KCTD9: variants seen among roughly 807,000 people sequenced by gnomAD.
KCTD9 encodes the protein BTB/POZ domain-containing protein KCTD9.
A neutral mutation model predicts 53.3 loss-of-function variants in KCTD9; 17 were observed. The ratio of observed to expected loss-of-function variants is 0.32; its 90% CI spans 0.22 to 0.48. KCTD9 has a LOEUF of 0.48. Ranked by LOEUF, KCTD9 falls within the 20% of genes least tolerant of loss-of-function variation. The pLI is 0.99. For synonymous variants in KCTD9, 128 were observed against 162.7 expected (o/e 0.79, Z 1.62); for missense variants, 179 against 465.5 (o/e 0.38, Z 5.66).
At chr8:25,454,840 C>G (rs1322902320) in intron 1 of KCTD9, among the ~76,000 whole-genome samples, 1 of 152,242 alleles carries the variant, frequency 6.6e-6, no homozygotes, top group Non-Finnish European at 1.5e-5. Flanking sequence ...TGAGGACTTT[C>G]AGTGACTCAG....
At position 25,429,732 on chromosome 8, in the gene KCTD9, CTA is replaced by C. The variant is rs1365406333; in HGVS notation, c.*123_*124del. On this transcript the variant is annotated 3_prime_UTR_variant, in exon 12 of 12. Transcript: ENST00000221200. The stretch of plus-strand genomic sequence containing the variant: ...CACCACTCAAAACAAGCATAATCCT[CTA>C]AATGTTTTTTTTTTAAATTTCCTTA... 3 of 669,402 alleles carry C rather than the reference CTA, an allele frequency of 4.5e-6. No individual in the cohort carries two copies. Among genetic ancestry groups the C allele is most frequent in the Non-Finnish European group, 8.1e-6 (3 of 368,448 alleles). 41.5% of individuals were successfully genotyped at this position (669,402 alleles called of 1,614,324 possible). A position where few individuals can be genotyped will look rare whatever the true frequency, so the allele number is the denominator to read the frequency against.
chr8:25,439,240 G>A, intron 6 of KCTD9, 39 bp downstream of exon 6: 1 of 1,483,004 alleles, frequency 6.7e-7, no homozygotes, highest in African/African-American at 1.4e-5. Context: ...AAAAATGTGA[G>A]TAGTTACATA....
intron 1 of KCTD9, among the ~76,000 whole-genome samples, chr8:25,452,039 G>A (rs146399536): frequency 3.2e-3 from 484 of 152,190 alleles, no homozygotes; most frequent in African/African-American, 0.011. Flanking sequence ...TATTTATTGT[G>A]CATTATGTAA....
rs752303524 is a variant in KCTD9, at chr8:25,436,334, A to C, written c.568-4T>G. On this transcript the variant is annotated splice_region_variant and splice_polypyrimidine_tract_variant and intron_variant, in intron 7 of 11. Transcript: ENST00000221200. Reference sequence around the variant, plus strand: ...GATCCTCCGGTGGTTGAGAATTCTTAAAAAAGACATTAAGAAATTAGTGGA... The same window carrying C: ...GATCCTCCGGTGGTTGAGAATTCTTCAAAAAGACATTAAGAAATTAGTGGA... 1 of 1,609,274 alleles carries C rather than the reference A, an allele frequency of 6.2e-7. No homozygotes were observed. Among genetic ancestry groups the C allele is most frequent in the Non-Finnish European group, 8.5e-7 (1 of 1,176,052 alleles).
At chr8:25,430,808 T>TACACACACACACACACAC (rs139075991) in intron 11 of KCTD9, among the ~76,000 whole-genome samples, 6 of 145,580 alleles carry the variant, frequency 4.1e-5, no homozygotes, top group African/African-American at 7.7e-5. Flanking sequence ...ACATAATAAA[T>TACACACACACACACACAC]ACACACACAC....
chr8:25,446,358 G>C, intron 1 of KCTD9, 108 bp from the exon 2 acceptor site: 1 of 1,313,522 alleles, frequency 7.6e-7, no homozygotes. Context: ...CATATAAAAG[G>C]AGACTTCAAA....
At chr8:25,445,550 G>C (rs1477303193) in intron 2 of KCTD9, among the ~76,000 whole-genome samples, 1 of 152,070 alleles carries the variant, frequency 6.6e-6, no homozygotes, top group Non-Finnish European at 1.5e-5. Flanking sequence ...CATCTTCTTT[G>C]TTAAGCATCT....
chr8:25,449,672 TATTAAA>T (rs1802282117), intron 1 of KCTD9, among the ~76,000 whole-genome samples: 1 of 137,162 alleles, frequency 7.3e-6, no homozygotes, highest in African/African-American at 3.7e-5. Flanking sequence ...AATTTTAATC[TATTAAA>T]ATTAAAAGTT....
At position 25,432,567 on chromosome 8, in the gene KCTD9, T is replaced by C. The variant is rs200413669; in HGVS notation, c.990A>G (p.Leu330=). ...TACAGTTCTTCAACTTTGCATTTTT[T>C]AAGGTAGCCACTCTCAGGTTAATTC... is the stretch of plus-strand genomic sequence containing the variant. The part of the protein sequence containing the change: ...MTGINLRVAT[L]KNAKLKNCNL... The change falls in exon 11 of 12, where the codon TTA becomes TTG. Residue 330 remains leucine, a synonymous_variant. Transcript: ENST00000221200. The C allele has an allele frequency of 6.2e-7, 1 of 1,613,718 alleles. No homozygotes were observed. Among genetic ancestry groups the C allele is most frequent in the Non-Finnish European group, 8.5e-7 (1 of 1,179,844 alleles).
intron 11 of KCTD9, among the ~76,000 whole-genome samples, chr8:25,431,913 T>C (rs1284693713): frequency 6.7e-6 from 1 of 149,642 alleles, no homozygotes; most frequent in Non-Finnish European, 1.5e-5. Flanking sequence ...TAAAAATCAA[T>C]TTCTCATTTG....
Position 25,428,063 on chromosome 8 carries a change from C to CATT in KCTD9, c.*1791_*1793dup, listed in dbSNP as rs1396873564. 1 of 152,564 alleles carries CATT rather than the reference C, an allele frequency of 6.6e-6. No homozygotes were observed. Among genetic ancestry groups the CATT allele is most frequent in the African/African-American group, 2.4e-5 (1 of 41,428 alleles). The allele number at this position is 152,564 out of a possible 1,614,324, so 9.5% of individuals were successfully genotyped here. A position where few individuals can be genotyped will look rare whatever the true frequency, so the allele number is the denominator to read the frequency against. The stretch of plus-strand genomic sequence containing the variant: ...TTATATCATTTATTAATGCAGTATA[C>CATT]ATTAGATCTAAAATCTGCAGTTTCT... On this transcript the variant is annotated 3_prime_UTR_variant, in exon 12 of 12. Coordinates refer to ENST00000221200, the MANE Select transcript of KCTD9 (RefSeq NM_017634.4).
chr8:25,455,270 A>C (rs1274679647), intron 1 of KCTD9, among the ~76,000 whole-genome samples: 1 of 151,754 alleles, frequency 6.6e-6, no homozygotes, highest in Non-Finnish European at 1.5e-5. Flanking sequence ...AAAAGTAAAA[A>C]ACAAACAAAA....
In KCTD9 at chr8:25,427,972, G is replaced by A. The variant is rs907862334; in HGVS notation, c.*1885C>T. ...GGTTGTCAACACATATTGAAGAAAT[G>A]TAAGCAAAATACAGAAAGTGATGAT... On this transcript the variant is annotated 3_prime_UTR_variant, in exon 12 of 12. Coordinates refer to ENST00000221200, the MANE Select transcript of KCTD9 (RefSeq NM_017634.4). The A allele has an allele frequency of 3.9e-5, 6 of 152,160 alleles. No homozygotes were observed. Among genetic ancestry groups the A allele is most frequent in the African/African-American group, 1.4e-4 (6 of 41,434 alleles). 9.4% of individuals were successfully genotyped at this position (152,160 alleles called of 1,614,324 possible).
At chr8:25,453,346 G>C (rs893421824) in intron 1 of KCTD9, among the ~76,000 whole-genome samples, 1 of 149,716 alleles carries the variant, frequency 6.7e-6, no homozygotes, top group Non-Finnish European at 1.5e-5. Context: ...GACAGTGCGA[G>C]ACTCTGTCTC....
intron 1 of KCTD9, among the ~76,000 whole-genome samples, chr8:25,446,751 G>A (rs1236855305): frequency 6.6e-6 from 1 of 152,190 alleles, no homozygotes; most frequent in African/African-American, 2.4e-5. Context: ...TTCATCCTTA[G>A]AACAGGAGTG....
chr8:25,438,267 T>C (rs933332218), intron 6 of KCTD9, among the ~76,000 whole-genome samples: 8 of 150,758 alleles, frequency 5.3e-5, no homozygotes, highest in Non-Finnish European at 7.4e-5. Flanking sequence ...AATTTAGTTA[T>C]AAAGTTATAG....
In KCTD9 at chr8:25,428,068, G is replaced by A. The variant is rs1292660720; in HGVS notation, c.*1789C>T. The A allele has an allele frequency of 2.6e-5, 4 of 152,568 alleles. No individual in the cohort carries two copies. Among genetic ancestry groups the A allele is most frequent in the Admixed American group, 6.5e-5 (1 of 15,276 alleles). 9.5% of individuals were successfully genotyped at this position (152,568 alleles called of 1,614,324 possible). Reference sequence around the variant, plus strand: ...TCATTTATTAATGCAGTATACATTAGATCTAAAATCTGCAGTTTCTAAGCA... The same window carrying A: ...TCATTTATTAATGCAGTATACATTAAATCTAAAATCTGCAGTTTCTAAGCA... On this transcript the variant is annotated 3_prime_UTR_variant, in exon 12 of 12. Coordinates refer to ENST00000221200, the MANE Select transcript of KCTD9 (RefSeq NM_017634.4).
rs141745884 is a variant in KCTD9, at chr8:25,442,740, T to C, written c.214+1552A>G. On this transcript the variant is annotated intron_variant, in intron 3 of 11. Coordinates refer to ENST00000221200, the MANE Select transcript of KCTD9 (RefSeq NM_017634.4). Reference sequence around the variant, plus strand: ...ATACAATGGCTATATGTTCCGACAATTCAGAAACAATACAATTATTTTTAA... The same window carrying C: ...ATACAATGGCTATATGTTCCGACAACTCAGAAACAATACAATTATTTTTAA... 4.4e-4 allele frequency among the ~76,000 whole-genome samples: 67 copies of C among 152,300 alleles called. No individual in the cohort carries two copies. In the East Asian group the frequency reaches 0.013, roughly 29 times the overall value.
At chr8:25,457,308 T>C in intron 1 of KCTD9, 1 of 962,534 alleles carries the variant, frequency 1.0e-6, no homozygotes, top group Non-Finnish European at 1.2e-6. Context: ...TACCTTAGAC[T>C]CGTAAAGGCT....
Sources: gnomAD v4.1 joint callset for allele counts (sites outside exome capture counted in the v4.1 genomes callset) on GRCh38, gnomAD v4.1.1 for gene constraint, MANE v1.5 for transcripts, NCBI Gene and HGNC (gene_info 2026-07-23, HGNC 2026-07-21) for gene names.